The following MARCHF10 variants were observed in gnomAD, a reference collection of about 807,000 sequenced individuals.
MARCHF10 encodes probable E3 ubiquitin-protein ligase MARCHF10.
In MARCHF10, 64 loss-of-function variants were observed where a neutral mutation model predicts 76.2. The observed-to-expected ratio is 0.84, with a 90% CI of 0.69 to 1.03. The LOEUF is 1.03. MARCHF10 is among the 50% of genes least tolerant of loss of function. The pLI, the probability that MARCHF10 is intolerant of heterozygous loss-of-function variation, is 0.00. For synonymous variants in MARCHF10, 340 were observed against 357.5 expected (o/e 0.95, Z 0.55); for missense variants, 875 against 958.0 (o/e 0.91, Z 1.14).
chr17:62,792,589 CCCA>C (rs1037425548), intron 2 of MARCHF10, among the ~76,000 whole-genome samples: 4 of 148,020 alleles, frequency 2.7e-5, no homozygotes, highest in Admixed American at 6.7e-5. Context: ...ACCATCACCA[CCCA>C]CCACCACCAC....
In MARCHF10 at chr17:62,712,866, T is replaced by G. The variant is rs1197912535; in HGVS notation, c.2215-1522A>C. On this transcript the variant is annotated intron_variant, in intron 8 of 10. Coordinates refer to ENST00000311269, the MANE Select transcript of MARCHF10 (RefSeq NM_152598.4). This position sits in a 1 kb window ranked among gnomAD's most constrained non-coding sequence, Gnocchi z 4.2. Reference sequence around the variant, plus strand: ...TTCAAGCAATTCTCCTGCCTCAGCCTCCTGAGTAGCTGGGATTACAGGTGT... The same window carrying G: ...TTCAAGCAATTCTCCTGCCTCAGCCGCCTGAGTAGCTGGGATTACAGGTGT... Among the ~76,000 whole-genome samples, 3 of 152,124 alleles carry G rather than the reference T, an allele frequency of 2.0e-5. No individual in the cohort carries two copies. The highest frequency in any genetic ancestry group is 3.8e-4 in the East Asian group (2 of 5,198).
chr17:62,765,658 G>A (rs1223562157), intron 3 of MARCHF10, among the ~76,000 whole-genome samples: 1 of 152,176 alleles, frequency 6.6e-6, no homozygotes, highest in Non-Finnish European at 1.5e-5. Flanking sequence ...CGGCCAGAGT[G>A]AAACTTCGCG....
At chr17:62,758,727 A>G (rs1301391744) in intron 4 of MARCHF10, among the ~76,000 whole-genome samples, 2 of 152,228 alleles carry the variant, frequency 1.3e-5, no homozygotes, top group African/African-American at 4.8e-5. Context: ...ACTTAACTGG[A>G]TGGGTGGTTG....
chr17:62,775,122 C>T (rs1033242664), intron 3 of MARCHF10, among the ~76,000 whole-genome samples: 2 of 109,610 alleles, frequency 1.8e-5, no homozygotes, highest in Non-Finnish European at 3.4e-5. Context: ...CAGGTCTCCC[C>T]CTGGCCTTCC....
intron 1 of MARCHF10, among the ~76,000 whole-genome samples, chr17:62,805,917 ATAATAAT>A (rs1454060590): frequency 6.9e-6 from 1 of 145,932 alleles, no homozygotes; most frequent in Non-Finnish European, 1.5e-5. Flanking sequence ...ATAAAAAAAA[ATAATAAT>A]AATAATAATA....
intron 2 of MARCHF10, among the ~76,000 whole-genome samples, chr17:62,790,639 G>A (rs1373203484): frequency 1.3e-5 from 2 of 152,184 alleles, no homozygotes; most frequent in Non-Finnish European, 2.9e-5. Context: ...TCCTGGCTGG[G>A]TTGAGAAAGG....
At chr17:62,781,078 A>G (rs2092650341) in intron 3 of MARCHF10, 1 of 152,126 alleles carries the variant, frequency 6.6e-6, no homozygotes, top group Non-Finnish European at 1.5e-5. Flanking sequence ...CCCACTTTCT[A>G]GTGGGTTATG....
At chr17:62,709,702 T>C (rs2089807109) in intron 9 of MARCHF10, among the ~76,000 whole-genome samples, 1 of 152,128 alleles carries the variant, frequency 6.6e-6, no homozygotes, top group Non-Finnish European at 1.5e-5. Flanking sequence ...AATCAAGAAG[T>C]GTGAATTTAA....
rs183683465 is a variant in MARCHF10 at position 62,795,145 on chromosome 17, A to G, written c.90+6501T>C. 22 of 695,932 alleles carry G rather than the reference A, an allele frequency of 3.2e-5. No homozygotes were observed. In the Admixed American group the frequency reaches 8.2e-4, roughly 26 times the overall value. The allele number at this position is 695,932 out of a possible 1,614,324, so 43.1% of individuals were successfully genotyped here. A position where few individuals can be genotyped will look rare whatever the true frequency, so the allele number is the denominator to read the frequency against. The stretch of plus-strand genomic sequence containing the variant: ...CTTGCCACCCGCTATAAAGTCGCCT[A>G]TCGTGTCCTTGAACACATGTATATT... On this transcript the variant is annotated intron_variant, in intron 2 of 10. Transcript: ENST00000311269.
At position 62,779,606 on chromosome 17, in the gene MARCHF10, G is replaced by A. The variant is rs79659836; in HGVS notation, c.210+8874C>T. 6.6e-3 allele frequency among the ~76,000 whole-genome samples: 1,006 copies of A among 152,310 alleles called. 21 individuals carry two copies. The highest frequency in any genetic ancestry group is 0.023 in the African/African-American group (953 of 41,568). On this transcript the variant is annotated intron_variant, in intron 3 of 10. Transcript: ENST00000311269. ...CTCCACGGACAGCTGAGTCACCCGAGAGCTAATATTTGCTAGGAGCCGCAG... is the reference window on the plus strand; with the variant it reads ...CTCCACGGACAGCTGAGTCACCCGAAAGCTAATATTTGCTAGGAGCCGCAG...
chr17:62,745,107 CT>C lies in MARCHF10; in HGVS notation c.383-580del, dbSNP rs963115348. On this transcript the variant is annotated intron_variant, in intron 4 of 10. Transcript: ENST00000311269. ...TTGCTAAGAAGTTTTGTCTTTTTTT[CT>C]TTTTTTTTTTTTAAGATGGAGTCTT... Among the ~76,000 whole-genome samples the C allele has an allele frequency of 6.8e-3, 917 of 134,872 alleles. 3 individuals carry two copies. Among genetic ancestry groups the C allele is most frequent in the African/African-American group, 0.012 (457 of 37,628 alleles). The allele number at this position is 134,872 out of a possible 152,430, so 88.5% of individuals were successfully genotyped here. A position where few individuals can be genotyped will look rare whatever the true frequency, so the allele number is the denominator to read the frequency against.
At chr17:62,806,420 T>C (rs1393657435) in intron 1 of MARCHF10, 2 of 152,256 alleles carry the variant, frequency 1.3e-5, no homozygotes, top group African/African-American at 4.8e-5. Flanking sequence ...TATTCTCTTC[T>C]ATCGCTCACC....
chr17:62,740,243 A>G (rs1403201278), intron 5 of MARCHF10, among the ~76,000 whole-genome samples: 1 of 152,182 alleles, frequency 6.6e-6, no homozygotes, highest in Non-Finnish European at 1.5e-5. Flanking sequence ...TGTGCTATTC[A>G]TAGACCAGGC....
chr17:62,731,978 T>C lies in MARCHF10; in HGVS notation c.1937+3953A>G, dbSNP rs193238156. Among the ~76,000 whole-genome samples the C allele has an allele frequency of 3.9e-3, 592 of 152,304 alleles. 2 individuals carry two copies. The highest frequency in any genetic ancestry group is 0.014 in the African/African-American group (573 of 41,566). On this transcript the variant is annotated intron_variant, in intron 6 of 10. Coordinates refer to ENST00000311269, the MANE Select transcript of MARCHF10 (RefSeq NM_152598.4). ...GCAAAAATACAGAGAAAACATATAG[T>C]CAGTTGGATTTCTACATCTTAGCAA...
At chr17:62,773,722 C>T (rs1238389813) in intron 3 of MARCHF10, among the ~76,000 whole-genome samples, 2 of 152,066 alleles carry the variant, frequency 1.3e-5, no homozygotes, top group East Asian at 3.9e-4. Flanking sequence ...AAATTTCTAG[C>T]TGAGGGACAC....
intron 5 of MARCHF10, among the ~76,000 whole-genome samples, chr17:62,740,958 A>G (rs151274605): frequency 0.011 from 1,669 of 152,178 alleles, 21 homozygotes; most frequent in Middle Eastern, 0.017. Flanking sequence ...TGAATTTATT[A>G]CCTTTAGGTG....
intron 6 of MARCHF10, 196 bp downstream of exon 6, chr17:62,735,735 A>G: frequency 1.7e-6 from 1 of 580,350 alleles, no homozygotes; most frequent in Non-Finnish European, 2.9e-6. Flanking sequence ...CTGATCAGGA[A>G]CACCAGACTT....
At chr17:62,766,072 C>T (rs1056918457) in intron 3 of MARCHF10, among the ~76,000 whole-genome samples, 1 of 151,830 alleles carries the variant, frequency 6.6e-6, no homozygotes, top group Non-Finnish European at 1.5e-5. Flanking sequence ...GGTGTGCACT[C>T]ATATTCCCAG....
At position 62,801,631 on chromosome 17, in the gene MARCHF10, G is replaced by C. The variant is rs750899531; in HGVS notation, c.90+15C>G. Reference sequence around the variant, plus strand: ...CAAGAGAAGGCAGAAGACCATTCTTGCTTTCTGCAATTACCTGATACTCAG... The same window carrying C: ...CAAGAGAAGGCAGAAGACCATTCTTCCTTTCTGCAATTACCTGATACTCAG... On this transcript the variant is annotated intron_variant, in intron 2 of 10. Coordinates refer to ENST00000311269, the MANE Select transcript of MARCHF10 (RefSeq NM_152598.4). 29 of 1,606,546 alleles carry C rather than the reference G, an allele frequency of 1.8e-5. 1 individual carries two copies. The highest frequency in any genetic ancestry group is 1.7e-4 in the Admixed American group (10 of 59,968).
Sources: allele counts gnomAD v4.1 joint callset (sites outside exome capture counted in the v4.1 genomes callset), GRCh38; gene constraint gnomAD v4.1.1; non-coding constraint Gnocchi (gnomAD v3.1); transcripts MANE v1.5; gene names NCBI Gene and HGNC (gene_info 2026-07-23, HGNC 2026-07-21).